SETBP1: variants seen among roughly 807,000 people sequenced by gnomAD.
SETBP1 encodes the protein SET-binding protein.
In SETBP1, 9 loss-of-function variants were observed where a neutral mutation model predicts 101.0. That is an observed-to-expected ratio of 0.09 (90% confidence interval 0.05 to 0.16). The LOEUF (loss-of-function observed/expected upper bound fraction) is 0.16. SETBP1 is among the 10% of genes least tolerant of loss of function. The pLI, the probability that SETBP1 is intolerant of heterozygous loss-of-function variation, is 1.00. For synonymous variants in SETBP1, 818 were observed against 788.5 expected, an observed-to-expected ratio of 1.04 and a Z score of -0.63; for missense variants, 1,858 against 2,033.8, an observed-to-expected ratio of 0.91 and a Z score of 1.66.
At chr18:45,021,804 G>A (rs2145421434) in intron 4 of SETBP1, among the ~76,000 whole-genome samples, 1 of 152,166 alleles carries the variant, frequency 6.6e-6, no homozygotes, top group Non-Finnish European at 1.5e-5. Context: ...GATTTGATTT[G>A]CAAAAATAAT....
At chr18:44,715,051 G>A (rs2069432657) in intron 2 of SETBP1, among the ~76,000 whole-genome samples, 1 of 152,172 alleles carries the variant, frequency 6.6e-6, no homozygotes, top group Admixed American at 6.5e-5. Context: ...GGGGTGGGGG[G>A]TGTTTGGGAC....
chr18:44,951,863 C>A lies in SETBP1; in HGVS notation c.2523C>A (p.His841Gln). 6.2e-7 allele frequency: 1 copy of A among 1,614,116 alleles called. No individual in the cohort carries two copies. The highest frequency in any genetic ancestry group is 8.5e-7 in the Non-Finnish European group (1 of 1,180,052). The change falls in exon 4 of 6, where the codon CAC becomes CAA. Residue 841 changes from histidine (H) to glutamine (Q), a missense_variant. Coordinates refer to ENST00000649279, the MANE Select transcript of SETBP1 (RefSeq NM_015559.3). The surrounding 1 kb of genome is among the most constrained non-coding windows in gnomAD (Gnocchi z 7.8). ...GACTGATGGCCAACTCCCCTTCACA[C>A]CTGTGCGAGATTGGCTCCCTAAAGG... ...PPRLMANSPS[H>Q]LCEIGSLKEI...
chr18:44,680,383 C>T (rs117763335), upstream of SETBP1: 27,177 of 151,634 alleles, frequency 0.18, 2,957 homozygotes, highest in Middle Eastern at 0.25. Context: ...GAGCCGGAGC[C>T]GCCGGGACAT....
At chr18:44,758,436 G>A (rs1164688839) in intron 2 of SETBP1, among the ~76,000 whole-genome samples, 3 of 151,098 alleles carry the variant, frequency 2.0e-5, no homozygotes, top group Non-Finnish European at 4.4e-5. Flanking sequence ...AGGCTGGAGT[G>A]CAGTGGTGCG....
intron 2 of SETBP1, among the ~76,000 whole-genome samples, chr18:44,866,902 G>A (rs1028960947): frequency 9.9e-5 from 15 of 152,224 alleles, no homozygotes; most frequent in Admixed American, 6.5e-5. Context: ...CATGCTTTAT[G>A]TTACTTTCTG....
chr18:44,742,763 C>T (rs1018527971), intron 2 of SETBP1, among the ~76,000 whole-genome samples: 1 of 152,178 alleles, frequency 6.6e-6, no homozygotes, highest in Non-Finnish European at 1.5e-5. Context: ...CCAGGGCCCT[C>T]TGCTAGAGCT....
At chr18:44,861,880 C>A (rs2069021066) in intron 2 of SETBP1, among the ~76,000 whole-genome samples, 2 of 152,298 alleles carry the variant, frequency 1.3e-5, no homozygotes, top group South Asian at 4.1e-4. Flanking sequence ...AGGGGTGGGA[C>A]AAACTTCTGT....
chr18:44,711,786 C>T (rs1313826914), intron 2 of SETBP1, among the ~76,000 whole-genome samples: 6 of 151,774 alleles, frequency 4.0e-5, no homozygotes, highest in South Asian at 4.2e-4. Flanking sequence ...GCAATCCTCC[C>T]GCTTCGGCCT....
intron 2 of SETBP1, among the ~76,000 whole-genome samples, chr18:44,719,318 G>A (rs755898576): frequency 6.6e-6 from 1 of 152,200 alleles, no homozygotes; most frequent in Non-Finnish European, 1.5e-5. Flanking sequence ...CATGGAGGAA[G>A]GTAAAAACTG....
Position 44,917,627 on chromosome 18 carries a change from C to T in SETBP1, c.541-32254C>T, listed in dbSNP as rs373205797. 2.4e-4 allele frequency among the ~76,000 whole-genome samples: 36 copies of T among 152,260 alleles called. No homozygotes were observed. The South Asian group carries it at 7.3e-3, about 31-fold the overall frequency. Reference sequence around the variant, plus strand: ...GCTCTGATGCCTCCCCATCCACCCCCAGCAGGAGGGTTGGAGCTCTGCCTC... The same window carrying T: ...GCTCTGATGCCTCCCCATCCACCCCTAGCAGGAGGGTTGGAGCTCTGCCTC... On this transcript the variant is annotated intron_variant, in intron 3 of 5. Coordinates refer to ENST00000649279, the MANE Select transcript of SETBP1 (RefSeq NM_015559.3).
intron 2 of SETBP1, among the ~76,000 whole-genome samples, chr18:44,811,875 C>T (rs1170693781): frequency 6.6e-6 from 1 of 152,196 alleles, no homozygotes; most frequent in Non-Finnish European, 1.5e-5. Flanking sequence ...AATGCTGACA[C>T]TGGAAGGGAG....
At chr18:44,837,624 T>A (rs962308267) in intron 2 of SETBP1, among the ~76,000 whole-genome samples, 3 of 152,290 alleles carry the variant, frequency 2.0e-5, no homozygotes, top group African/African-American at 7.2e-5. Context: ...TGCAGGTGTT[T>A]TGCCTCAGCC....
chr18:45,011,433 T>G (rs1329498357), intron 4 of SETBP1, among the ~76,000 whole-genome samples: 1 of 152,176 alleles, frequency 6.6e-6, no homozygotes, highest in Non-Finnish European at 1.5e-5. Context: ...GCATTCAAAG[T>G]GCTGATCCAA....
At chr18:44,935,898 A>G (rs567771900) in intron 3 of SETBP1, among the ~76,000 whole-genome samples, 68 of 152,338 alleles carry the variant, frequency 4.5e-4, no homozygotes, top group African/African-American at 1.6e-3. Flanking sequence ...TCACACGTGA[A>G]TGTTCCACCA....
intron 3 of SETBP1, among the ~76,000 whole-genome samples, chr18:44,887,273 T>C (rs909057688): frequency 6.6e-6 from 1 of 152,152 alleles, no homozygotes; most frequent in South Asian, 2.1e-4. Flanking sequence ...ATCTGGCTCC[T>C]AGTGGGCCTT....
intron 4 of SETBP1, among the ~76,000 whole-genome samples, chr18:44,975,708 G>A (rs1374887338): frequency 6.6e-6 from 1 of 152,162 alleles, no homozygotes; most frequent in Admixed American, 6.5e-5. Context: ...GAGTGATATG[G>A]ATCTATCTAT....
intron 3 of SETBP1, among the ~76,000 whole-genome samples, chr18:44,943,127 A>T (rs41468146): frequency 0.19 from 29,630 of 152,110 alleles, 3,031 homozygotes; most frequent in South Asian, 0.27. Flanking sequence ...GGCTAAGGAG[A>T]GATAAGCTTT....
At chr18:44,765,635 G>A (rs547071572) in intron 2 of SETBP1, among the ~76,000 whole-genome samples, 56 of 152,286 alleles carry the variant, frequency 3.7e-4, no homozygotes, top group African/African-American at 1.3e-3. Context: ...CCCAATGACA[G>A]TAACCTCATC....
intron 5 of SETBP1, among the ~76,000 whole-genome samples, chr18:45,048,671 A>T (rs895307524): frequency 1.3e-5 from 2 of 152,024 alleles, no homozygotes; most frequent in Non-Finnish European, 2.9e-5. Flanking sequence ...TATGAATGAT[A>T]TATACAAATA....
Sources: gnomAD v4.1 joint callset for allele counts (sites outside exome capture counted in the v4.1 genomes callset) on GRCh38, gnomAD v4.1.1 for gene constraint, Gnocchi (gnomAD v3.1) non-coding constraint, MANE v1.5 for transcripts, NCBI Gene and HGNC (gene_info 2026-07-23, HGNC 2026-07-21) for gene names.